SETD2: variants seen among roughly 807,000 people sequenced by gnomAD.
SETD2 encodes SET domain containing 2, histone lysine methyltransferase, also known as histone-lysine N-methyltransferase SETD2.
In SETD2, 31 loss-of-function variants were observed where a neutral mutation model predicts 242.1. That is an observed-to-expected ratio of 0.13 (90% confidence interval 0.10 to 0.17). The LOEUF (loss-of-function observed/expected upper bound fraction) is 0.17. Among genes scored for constraint, SETD2 ranks in the 10% least tolerant of loss-of-function variants. SETD2 has a pLI of 1.00. For missense variants in SETD2, 2,481 were observed against 3,046.3 expected, an observed-to-expected ratio of 0.81 and a Z score of 4.37; for synonymous variants, 1,006 against 1,066.5, an observed-to-expected ratio of 0.94 and a Z score of 1.11.
intron 4 of SETD2, 56 bp from the exon 5 acceptor site, chr3:47,114,060 A>G (rs1387069569): frequency 6.4e-7 from 1 of 1,559,706 alleles, no homozygotes; most frequent in African/African-American, 1.4e-5. Flanking sequence ...GAACCAAAGT[A>G]ACTTTGAAAA....
At chr3:47,094,056 T>G (rs1456597500) in intron 9 of SETD2, among the ~76,000 whole-genome samples, 1 of 152,246 alleles carries the variant, frequency 6.6e-6, no homozygotes, top group East Asian at 1.9e-4. Context: ...AGTATTCATT[T>G]GTTATGAGTT....
chr3:47,129,384 C>T (rs1463158448), intron 1 of SETD2, among the ~76,000 whole-genome samples: 1 of 152,194 alleles, frequency 6.6e-6, no homozygotes, highest in Non-Finnish European at 1.5e-5. Context: ...ACTGTTAACA[C>T]TTTGATCTAC....
chr3:47,137,727 C>T lies in SETD2; in HGVS notation c.72-11064G>A, dbSNP rs535827399. On this transcript the variant is annotated intron_variant, in intron 1 of 20. Transcript: ENST00000409792. The stretch of plus-strand genomic sequence containing the variant: ...TTTCTGAGACAGAATCTTGCTGTCG[C>T]CCAGGCTGGAGTGCAATAGTGCGAT... Among the ~76,000 whole-genome samples, 3 of 152,154 alleles carry T rather than the reference C, an allele frequency of 2.0e-5. No homozygotes were observed. The South Asian group carries it at 6.2e-4, about 32-fold the overall frequency.
At chr3:47,026,350 T>C (rs991200816) in intron 18 of SETD2, among the ~76,000 whole-genome samples, 1 of 152,224 alleles carries the variant, frequency 6.6e-6, no homozygotes, top group Non-Finnish European at 1.5e-5. Context: ...TTTTACATTG[T>C]TGGTGGGAGT....
At chr3:47,066,664 G>A (rs538995478) in intron 13 of SETD2, among the ~76,000 whole-genome samples, 1 of 151,052 alleles carries the variant, frequency 6.6e-6, no homozygotes, top group Non-Finnish European at 1.5e-5. Flanking sequence ...TAAATATCTT[G>A]AGGTAAAGAC....
At position 47,017,289 on chromosome 3, in the gene SETD2, C is replaced by G. The variant is rs2107486166; in HGVS notation, c.7534-35G>C. The G allele has an allele frequency of 6.2e-7, 1 of 1,610,530 alleles. No individual in the cohort carries two copies. Among genetic ancestry groups the G allele is most frequent in the Non-Finnish European group, 8.5e-7 (1 of 1,177,688 alleles). ...GCACAGGAAGAGAGACCACAGCCAC[C>G]AATCAGAGCAGAAATTATATGAGGG... On this transcript the variant is annotated intron_variant, in intron 20 of 20. Coordinates refer to ENST00000409792, the MANE Select transcript of SETD2 (RefSeq NM_014159.7). The surrounding 1 kb of genome is among the most constrained non-coding windows in gnomAD (Gnocchi z 4.8).
chr3:47,047,101 AT>A (rs1287242799), intron 15 of SETD2: 1 of 152,412 alleles, frequency 6.6e-6, no homozygotes, highest in Non-Finnish European at 1.5e-5. Flanking sequence ...AGTAAATAAG[AT>A]GATCAAATTT....
At chr3:47,133,743 G>A (rs886502304) in intron 1 of SETD2, among the ~76,000 whole-genome samples, 1 of 151,966 alleles carries the variant, frequency 6.6e-6, no homozygotes, top group African/African-American at 2.4e-5. Context: ...AAAAAAAAGA[G>A]TATGTGGACC....
chr3:47,110,454 G>C (rs1043369668), intron 5 of SETD2, among the ~76,000 whole-genome samples: 1 of 152,230 alleles, frequency 6.6e-6, no homozygotes, highest in African/African-American at 2.4e-5. Context: ...AACCCTATCT[G>C]GTATCCAATT....
intron 7 of SETD2, among the ~76,000 whole-genome samples, chr3:47,102,772 C>CA (rs5848821): frequency 0.58 from 57,146 of 97,852 alleles, 15,502 homozygotes; most frequent in Non-Finnish European, 0.62. Flanking sequence ...CCAGCCTGGG[C>CA]AAAAAAAAAA....
Position 47,123,240 on chromosome 3 carries a change from T to C in SETD2, c.1396A>G (p.Lys466Glu), listed in dbSNP as rs2106698903. ...GAGGTACGCCTTGAGTATGTCTTCT[T>C]ATACTCTTCTTCTGAGTCAGAACTC... ...RESSDSEEEYKKTYSRRTSSH... is the reference protein window; with the variant it reads ...RESSDSEEEYEKTYSRRTSSH... Residue 466 changes from lysine to glutamate, a missense_variant, in exon 3 of 21, where the codon AAG becomes GAG. Lys to Glu is a moderately conservative substitution (Grantham distance 56). This residue lies in a region of SETD2 where 1,300 missense variants were observed against 1,259.2 expected (regional missense o/e 1.03). Coordinates refer to ENST00000409792, the MANE Select transcript of SETD2 (RefSeq NM_014159.7). 1.9e-6 allele frequency: 3 copies of C among 1,556,296 alleles called. No homozygotes were observed. Among genetic ancestry groups the C allele is most frequent in the Non-Finnish European group, 2.6e-6 (3 of 1,148,644 alleles).
intron 5 of SETD2, among the ~76,000 whole-genome samples, chr3:47,107,888 G>A (rs913708662): frequency 9.2e-5 from 14 of 152,060 alleles, no homozygotes; most frequent in African/African-American, 3.4e-4. Flanking sequence ...GCCTGGGGCA[G>A]GAGAATTGCT....
intron 13 of SETD2, among the ~76,000 whole-genome samples, chr3:47,066,653 A>T (rs936209268): frequency 4.6e-5 from 7 of 151,974 alleles, no homozygotes; most frequent in Non-Finnish European, 1.0e-4. Flanking sequence ...CCAGCTGCAT[A>T]TAAATATCTT....
At chr3:47,037,804 T>TG (rs1478178462) in intron 17 of SETD2, 27 bp from the exon 18 acceptor site, 1 of 1,529,398 alleles carries the variant, frequency 6.5e-7, no homozygotes, top group East Asian at 2.2e-5. Context: ...ACAGCCATGC[T>TG]GTCAGGGCTA....
intron 11 of SETD2, among the ~76,000 whole-genome samples, chr3:47,085,053 C>T (rs4078466): frequency 0.56 from 84,858 of 151,988 alleles, 23,850 homozygotes; most frequent in Non-Finnish European, 0.58. Context: ...TTTTCAATTT[C>T]TGGATGGGAC....
At chr3:47,118,219 C>G (rs2042937943) in intron 3 of SETD2, among the ~76,000 whole-genome samples, 1 of 152,172 alleles carries the variant, frequency 6.6e-6, no homozygotes, top group Admixed American at 6.5e-5. Flanking sequence ...TTTAGAAGTA[C>G]TTAGCTACAA....
Position 47,056,942 on chromosome 3 carries a change from C to G in SETD2, c.6842G>C (p.Ser2281Thr). The change falls in exon 15 of 21, where the codon AGT (serine) becomes ACT (threonine). Residue 2281 changes from serine (S) to threonine (T), a missense_variant. By Grantham distance (58) the Ser-to-Thr change is moderately conservative (BLOSUM62 1). Transcript: ENST00000409792. ...TGCAGGAGAGTACTGCTGCTGTACA[C>G]TGACAGACTGTTGGTTTGAATCCCA... ...SVWDSNQQSV[S>T]VQQQYSPAQS... 5 of 1,614,252 alleles carry G rather than the reference C, an allele frequency of 3.1e-6. No homozygotes were observed. Among genetic ancestry groups the G allele is most frequent in the Non-Finnish European group, 4.2e-6 (5 of 1,180,038 alleles).
chr3:47,100,678 T>C lies in SETD2; in HGVS notation c.5015+780A>G, dbSNP rs2042174587. Reference sequence around the variant, plus strand: ...ACTCTCACACTTTTTGCTTAGGCAGTCTTTGCTATTGCATCGGTTACTGTT... The same window carrying C: ...ACTCTCACACTTTTTGCTTAGGCAGCCTTTGCTATTGCATCGGTTACTGTT... On this transcript the variant is annotated intron_variant, in intron 8 of 20. Transcript: ENST00000409792. 3.9e-5 allele frequency among the ~76,000 whole-genome samples: 6 copies of C among 152,110 alleles called. No individual in the cohort carries two copies. The South Asian group carries it at 8.3e-4, about 21-fold the overall frequency.
At chr3:47,078,305 T>C (rs372396057) in intron 12 of SETD2, among the ~76,000 whole-genome samples, 2 of 152,160 alleles carry the variant, frequency 1.3e-5, no homozygotes, top group African/African-American at 4.8e-5. Context: ...AGAACACTAC[T>C]GTAATATTCC....
Sources: allele counts gnomAD v4.1 joint callset (sites outside exome capture counted in the v4.1 genomes callset), GRCh38; gene constraint gnomAD v4.1.1; regional missense constraint gnomAD v4.1.1; non-coding constraint Gnocchi (gnomAD v3.1); transcripts MANE v1.5; gene names NCBI Gene and HGNC (gene_info 2026-07-23, HGNC 2026-07-21).